RCOR1: variants seen among roughly 807,000 people sequenced by gnomAD.
RCOR1 encodes REST corepressor.
Under a neutral mutation model 64.0 loss-of-function variants are expected in RCOR1, and 12 were observed. The observed-to-expected ratio is 0.19, with a 90% CI of 0.12 to 0.30. RCOR1 has a LOEUF of 0.30. RCOR1 is among the 10% of genes least tolerant of loss of function. The probability of loss-of-function intolerance (pLI) is 1.00; values close to 1 mark genes in which losing one functional copy is unlikely to be tolerated. For missense variants in RCOR1, 502 were observed against 621.2 expected (o/e 0.81, Z 2.04); for synonymous variants, 279 against 227.2 (o/e 1.23, Z -2.05).
chr14:102,678,197 G>A (rs988223257), intron 2 of RCOR1, among the ~76,000 whole-genome samples: 13 of 150,522 alleles, frequency 8.6e-5, no homozygotes, highest in Admixed American at 8.0e-4. Context: ...ACCGTGGAAG[G>A]AGACCGTGGA....
Position 102,726,848 on chromosome 14 carries a change from A to C in RCOR1, c.*342A>C. The C allele has an allele frequency of 3.2e-6, 1 of 308,160 alleles. No homozygotes were observed. The highest frequency in any genetic ancestry group is 2.2e-5 in the African/African-American group (1 of 45,242). 19.1% of individuals were successfully genotyped at this position (308,160 alleles called of 1,614,324 possible). A position where few individuals can be genotyped will look rare whatever the true frequency, so the allele number is the denominator to read the frequency against. Reference sequence around the variant, plus strand: ...TCTTCCCAGTCAGCAGCTTCAGAGCAGGCAGTCTCCTTGGAAGGCCCGACT... The same window carrying C: ...TCTTCCCAGTCAGCAGCTTCAGAGCCGGCAGTCTCCTTGGAAGGCCCGACT... On this transcript the variant is annotated 3_prime_UTR_variant, in exon 12 of 12. Coordinates refer to ENST00000262241, the MANE Select transcript of RCOR1 (RefSeq NM_015156.4).
intron 2 of RCOR1, among the ~76,000 whole-genome samples, chr14:102,602,187 T>C (rs1033162992): frequency 2.6e-5 from 4 of 152,002 alleles, no homozygotes; most frequent in Admixed American, 1.3e-4. Flanking sequence ...ATAATATGTT[T>C]TCTTGTTATT....
intron 2 of RCOR1, among the ~76,000 whole-genome samples, chr14:102,639,463 T>C (rs190676638): frequency 6.6e-6 from 1 of 151,062 alleles, no homozygotes; most frequent in Non-Finnish European, 1.5e-5. Context: ...CATGTATGCA[T>C]CAGCATGTCT....
chr14:102,680,447 T>C (rs539407695), intron 2 of RCOR1, among the ~76,000 whole-genome samples: 15 of 152,278 alleles, frequency 9.9e-5, no homozygotes, highest in Admixed American at 5.2e-4. Context: ...CTTTGATGAC[T>C]TTTGTTTTAG....
At chr14:102,634,398 C>T (rs1008883536) in intron 2 of RCOR1, among the ~76,000 whole-genome samples, 18 of 150,862 alleles carry the variant, frequency 1.2e-4, no homozygotes, top group Admixed American at 2.6e-4. Flanking sequence ...CCAACCAACC[C>T]GCAAAACCAA....
intron 2 of RCOR1, among the ~76,000 whole-genome samples, chr14:102,612,042 AGC>A (rs1331264100): frequency 1.3e-5 from 2 of 151,484 alleles, no homozygotes; most frequent in African/African-American, 4.9e-5. Flanking sequence ...CCAGGGTTCA[AGC>A]GATCATCCCT....
chr14:102,706,112 C>A (rs1895847931), intron 4 of RCOR1, among the ~76,000 whole-genome samples: 1 of 28,470 alleles, frequency 3.5e-5, no homozygotes, highest in Non-Finnish European at 4.9e-5. Flanking sequence ...GAAACCCTGT[C>A]TCAAAAAAAA....
chr14:102,720,817 C>G, intron 8 of RCOR1, 190 bp from the exon 9 acceptor site: 1 of 455,690 alleles, frequency 2.2e-6, no homozygotes, highest in Non-Finnish European at 3.9e-6. Flanking sequence ...TTATCTGTTG[C>G]TCTGAACAAG....
At chr14:102,614,428 G>T (rs928609843) in intron 2 of RCOR1, among the ~76,000 whole-genome samples, 1 of 150,526 alleles carries the variant, frequency 6.6e-6, no homozygotes, top group Admixed American at 6.6e-5. Context: ...GTTTCACCAC[G>T]TTAGCCAGCA....
intron 2 of RCOR1, among the ~76,000 whole-genome samples, chr14:102,617,587 CTTTTTTTTT>C (rs71119722): frequency 8.5e-6 from 1 of 118,268 alleles, no homozygotes; most frequent in East Asian, 2.5e-4. Flanking sequence ...CTGTCTCTTT[CTTTTTTTTT>C]TTTTTTTTTT....
At position 102,714,604 on chromosome 14, in the gene RCOR1, C is replaced by T; in HGVS notation, c.1040C>T (p.Ser347Leu). Residue 347 changes from serine to leucine, a missense_variant, in exon 8 of 12, where the codon TCA becomes TTA. This residue lies in a region of RCOR1 where 260 missense variants were observed against 416.4 expected (regional missense o/e 0.62). Transcript: ENST00000262241. ...VLRQLDMELV[S>L]VKRQIQNIKQ... is the part of the protein sequence containing the mutation. ...AGACAACTAGACATGGAATTGGTTT[C>T]AGTCAAACGACAGGTACTCATAAGC... is the stretch of plus-strand genomic sequence containing the variant. 1.2e-6 allele frequency: 2 copies of T among 1,607,844 alleles called. No homozygotes were observed. Among genetic ancestry groups the T allele is most frequent in the Non-Finnish European group, 1.7e-6 (2 of 1,176,360 alleles).
chr14:102,605,547 T>G (rs1294635049), intron 2 of RCOR1, among the ~76,000 whole-genome samples: 2 of 152,220 alleles, frequency 1.3e-5, no homozygotes, highest in Non-Finnish European at 2.9e-5. Flanking sequence ...CTTAGGTGTT[T>G]GTGTGGTGTT....
At chr14:102,713,566 G>A (rs1896004579) in intron 7 of RCOR1, among the ~76,000 whole-genome samples, 1 of 151,768 alleles carries the variant, frequency 6.6e-6, no homozygotes, top group Non-Finnish European at 1.5e-5. Context: ...ACAGGCATGA[G>A]CCACCATGCC....
chr14:102,604,946 A>G (rs767759868), intron 2 of RCOR1, among the ~76,000 whole-genome samples: 2 of 151,546 alleles, frequency 1.3e-5, no homozygotes, highest in African/African-American at 2.4e-5. Context: ...TAGCCAGGCT[A>G]TAATCCCAGC....
At chr14:102,623,387 ATTATTTATTTATTTATTTAT>A (rs376556197) in intron 2 of RCOR1, among the ~76,000 whole-genome samples, 2 of 124,816 alleles carry the variant, frequency 1.6e-5, no homozygotes, top group African/African-American at 6.5e-5. Flanking sequence ...TTATTTATTT[ATTATTTATTTATTTATTTAT>A]TTATTTATTT....
intron 4 of RCOR1, among the ~76,000 whole-genome samples, chr14:102,704,753 G>C (rs1367833504): frequency 1.3e-5 from 2 of 152,182 alleles, no homozygotes; most frequent in African/African-American, 4.8e-5. Context: ...TTTAGTGGCA[G>C]TTCAAATAGT....
In RCOR1 at chr14:102,673,582, G is replaced by C. The variant is rs571061489; in HGVS notation, c.362-8313G>C. Among the ~76,000 whole-genome samples, 6 of 151,752 alleles carry C rather than the reference G, an allele frequency of 4.0e-5. No individual in the cohort carries two copies. In the East Asian group the frequency reaches 5.8e-4, roughly 15 times the overall value. On this transcript the variant is annotated intron_variant, in intron 2 of 11. Coordinates refer to ENST00000262241, the MANE Select transcript of RCOR1 (RefSeq NM_015156.4). ...GATCTCCTGACCTTGTGATCCGCCC[G>C]CCTTGGCCTCCCAAAGTGCTGGGAT...
intron 2 of RCOR1, among the ~76,000 whole-genome samples, chr14:102,603,736 T>C (rs1194905697): frequency 6.6e-6 from 1 of 152,068 alleles, no homozygotes; most frequent in African/African-American, 2.4e-5. Context: ...TCCTCCCACC[T>C]CAGCTTCCGA....
chr14:102,619,473 CTTTTTTT>C (rs35488660), intron 2 of RCOR1, among the ~76,000 whole-genome samples: 1 of 131,184 alleles, frequency 7.6e-6, no homozygotes, highest in African/African-American at 3.0e-5. Flanking sequence ...TCTATCTAAT[CTTTTTTT>C]TTTTTTTTTT....
Sources: gnomAD v4.1 joint callset for allele counts (sites outside exome capture counted in the v4.1 genomes callset) on GRCh38, gnomAD v4.1.1 for gene constraint, gnomAD v4.1.1 regional missense constraint, MANE v1.5 for transcripts, NCBI Gene and HGNC (gene_info 2026-07-23, HGNC 2026-07-21) for gene names.